Variants in YEATS2 observed in about 807,000 individuals in gnomAD.
YEATS2 encodes YEATS domain-containing protein 2.
Under a neutral mutation model 163.2 loss-of-function variants are expected in YEATS2, and 77 were observed. The ratio of observed to expected loss-of-function variants is 0.47; its 90% CI spans 0.39 to 0.57. The LOEUF is 0.57. Ranked by LOEUF, YEATS2 falls within the 20% of genes least tolerant of loss-of-function variation. YEATS2 has a pLI of 0.00. For missense variants in YEATS2, 1,549 were observed against 1,729.8 expected (o/e 0.90, Z 1.85); for synonymous variants, 631 against 645.1 (o/e 0.98, Z 0.33).
At chr3:183,783,515 A>G (rs1723771921) in intron 19 of YEATS2, among the ~76,000 whole-genome samples, 2 of 152,192 alleles carry the variant, frequency 1.3e-5, no homozygotes, top group Non-Finnish European at 2.9e-5. Flanking sequence ...CCAGGGAGTG[A>G]GCATCATACC....
chr3:183,710,935 A>G (rs1356452281), intron 1 of YEATS2, among the ~76,000 whole-genome samples: 1 of 152,224 alleles, frequency 6.6e-6, no homozygotes, highest in Non-Finnish European at 1.5e-5. Context: ...CCTGATGAGG[A>G]AGTAGTATGG....
intron 15 of YEATS2, among the ~76,000 whole-genome samples, chr3:183,771,106 C>T (rs1417234923): frequency 6.6e-6 from 1 of 152,220 alleles, no homozygotes; most frequent in African/African-American, 2.4e-5. Context: ...GCCAGTGCCT[C>T]TCTGGAATGG....
At chr3:183,726,711 C>A (rs1421071348) in intron 6 of YEATS2, among the ~76,000 whole-genome samples, 1 of 152,096 alleles carries the variant, frequency 6.6e-6, no homozygotes, top group Non-Finnish European at 1.5e-5. Context: ...TGATTTTTAT[C>A]ATATTATGTG....
At chr3:183,701,424 T>C (rs548389349) in intron 1 of YEATS2, among the ~76,000 whole-genome samples, 1 of 152,112 alleles carries the variant, frequency 6.6e-6, no homozygotes, top group African/African-American at 2.4e-5. Context: ...TCTGTCTCTG[T>C]CGCCCAGGCT....
At chr3:183,802,453 A>G (rs1407349658) in intron 25 of YEATS2, 2 of 150,990 alleles carry the variant, frequency 1.3e-5, no homozygotes, top group Admixed American at 6.7e-5. Context: ...CCAGCCTAAC[A>G]TAAGAAATTC....
chr3:183,757,371 A>G (rs917522235), intron 12 of YEATS2, among the ~76,000 whole-genome samples: 6 of 151,918 alleles, frequency 3.9e-5, no homozygotes, highest in African/African-American at 1.5e-4. Context: ...GCTCACTGCA[A>G]CCTCCACCTC....
intron 15 of YEATS2, among the ~76,000 whole-genome samples, chr3:183,763,884 G>A (rs1025453347): frequency 1.3e-5 from 2 of 151,812 alleles, no homozygotes; most frequent in Non-Finnish European, 2.9e-5. Context: ...CCTGTCCGAC[G>A]TGGTGAAACC....
At chr3:183,713,298 C>T (rs1242482381) in intron 1 of YEATS2, among the ~76,000 whole-genome samples, 1 of 152,166 alleles carries the variant, frequency 6.6e-6, no homozygotes, top group Non-Finnish European at 1.5e-5. Flanking sequence ...GGCACGGTGG[C>T]TCACACCTGT....
chr3:183,742,369 G>T (rs1719065000), intron 8 of YEATS2, among the ~76,000 whole-genome samples: 1 of 152,174 alleles, frequency 6.6e-6, no homozygotes, highest in African/African-American at 2.4e-5. Context: ...TGTGATTCAT[G>T]AGAGGAGGTC....
chr3:183,742,514 C>A (rs1719082541), intron 8 of YEATS2, among the ~76,000 whole-genome samples: 1 of 152,182 alleles, frequency 6.6e-6, no homozygotes, highest in Non-Finnish European at 1.5e-5. Flanking sequence ...AGAAGTAGAG[C>A]CTGACAGTGT....
At chr3:183,803,231 G>C (rs893641514) in intron 25 of YEATS2, 25 bp from the exon 26 acceptor site, 2 of 1,608,864 alleles carry the variant, frequency 1.2e-6, no homozygotes, top group Non-Finnish European at 8.5e-7. Context: ...CTTTATTCAG[G>C]CTTTGCTGGG....
Position 183,728,571 on chromosome 3 carries a change from G to T in YEATS2, c.651-119G>T, listed in dbSNP as rs1193064341. ...GACTCATTTTGCTTGTTTAGGTGAT[G>T]TAGTTGTTAAATATTGCAGGAATTT... On this transcript the variant is annotated intron_variant, in intron 6 of 30. Transcript: ENST00000305135. The T allele has an allele frequency of 3.3e-6, 3 of 903,282 alleles. No homozygotes were observed. In the South Asian group the frequency reaches 6.7e-5, roughly 20 times the overall value. The allele number at this position is 903,282 out of a possible 1,614,324, so 56.0% of individuals were successfully genotyped here. A position where few individuals can be genotyped will look rare whatever the true frequency, so the allele number is the denominator to read the frequency against.
At chr3:183,778,176 T>G (rs1287365210) in intron 19 of YEATS2, among the ~76,000 whole-genome samples, 2 of 137,616 alleles carry the variant, frequency 1.5e-5, no homozygotes, top group South Asian at 4.6e-4. Flanking sequence ...AAAACAAAAA[T>G]GAATCTTGAG....
chr3:183,714,042 A>T (rs1300754817), intron 1 of YEATS2, among the ~76,000 whole-genome samples: 1 of 152,012 alleles, frequency 6.6e-6, no homozygotes, highest in Non-Finnish European at 1.5e-5. Context: ...TGACCTCGTG[A>T]TCCATCCACC....
chr3:183,789,890 T>G (rs1375951214), intron 20 of YEATS2, among the ~76,000 whole-genome samples: 2 of 152,138 alleles, frequency 1.3e-5, no homozygotes, highest in Admixed American at 6.5e-5. Context: ...ACTTTATTCT[T>G]TTTTATGTAA....
chr3:183,753,020 A>G (rs1485389088), intron 10 of YEATS2, among the ~76,000 whole-genome samples: 2 of 151,812 alleles, frequency 1.3e-5, no homozygotes, highest in African/African-American at 2.4e-5. Context: ...CTGGTCTCGA[A>G]CTCATGACCT....
chr3:183,787,891 T>C (rs1724217215), intron 20 of YEATS2, among the ~76,000 whole-genome samples: 2 of 151,432 alleles, frequency 1.3e-5, no homozygotes, highest in African/African-American at 4.9e-5. Flanking sequence ...TAGTCCCAGC[T>C]ACTCAGGAGG....
chr3:183,768,332 C>T (rs1361475138), intron 15 of YEATS2, among the ~76,000 whole-genome samples: 1 of 152,184 alleles, frequency 6.6e-6, no homozygotes, highest in Non-Finnish European at 1.5e-5. Context: ...AAGTCGCTCT[C>T]ACTTCTGCAC....
At chr3:183,773,906 T>C in intron 17 of YEATS2, 112 bp downstream of exon 17, 1 of 1,279,266 alleles carries the variant, frequency 7.8e-7, no homozygotes, top group South Asian at 1.8e-5. Flanking sequence ...TGTAACTCTG[T>C]TGGGTGGTGT....
Sources: allele counts gnomAD v4.1 joint callset (sites outside exome capture counted in the v4.1 genomes callset), GRCh38; gene constraint gnomAD v4.1.1; transcripts MANE v1.5; gene names NCBI Gene and HGNC (gene_info 2026-07-23, HGNC 2026-07-21).